BTBD9: variants seen among roughly 807,000 people sequenced by gnomAD.
The protein encoded by BTBD9 is BTB domain containing 9.
In BTBD9, 49 loss-of-function variants were observed where a neutral mutation model predicts 64.3. The observed-to-expected ratio is 0.76, with a 90% confidence interval of 0.61 to 0.97. The LOEUF (loss-of-function observed/expected upper bound fraction) is 0.97. Ranked by LOEUF, BTBD9 falls within the 50% of genes least tolerant of loss-of-function variation. The probability of loss-of-function intolerance (pLI) is 0.00; values close to 1 mark genes in which losing one functional copy is unlikely to be tolerated. For synonymous variants in BTBD9, 260 were observed against 274.7 expected, an observed-to-expected ratio of 0.95 and a Z score of 0.53; for missense variants, 598 against 762.1, an observed-to-expected ratio of 0.78 and a Z score of 2.53.
intron 10 of BTBD9, among the ~76,000 whole-genome samples, chr6:38,178,917 A>T (rs1761411942): frequency 6.6e-6 from 1 of 152,096 alleles, no homozygotes; most frequent in Non-Finnish European, 1.5e-5. Context: ...CAGGGGGGCT[A>T]TCTCAGCTCA....
chr6:38,414,470 T>C (rs1331155381), intron 6 of BTBD9, among the ~76,000 whole-genome samples: 3 of 152,132 alleles, frequency 2.0e-5, no homozygotes, highest in Admixed American at 6.5e-5. Flanking sequence ...CCCCCAACCA[T>C]ATATTATTTT....
At chr6:38,301,832 T>C (rs1294376119) in intron 7 of BTBD9, among the ~76,000 whole-genome samples, 1 of 152,206 alleles carries the variant, frequency 6.6e-6, no homozygotes, top group Non-Finnish European at 1.5e-5. Context: ...ATTTATTTTT[T>C]GAAGGGTTTT....
At chr6:38,395,296 C>T (rs1766617629) in intron 6 of BTBD9, among the ~76,000 whole-genome samples, 1 of 151,914 alleles carries the variant, frequency 6.6e-6, no homozygotes, top group African/African-American at 2.4e-5. Context: ...ATTAACAGGG[C>T]ATGTTGGTTT....
At chr6:38,280,052 C>T (rs1182262112) in intron 8 of BTBD9, among the ~76,000 whole-genome samples, 3 of 151,920 alleles carry the variant, frequency 2.0e-5, no homozygotes, top group Non-Finnish European at 4.4e-5. Flanking sequence ...TTCCAAAGAA[C>T]ATCTGAATTC....
chr6:38,507,593 T>G (rs1350752970), intron 6 of BTBD9, among the ~76,000 whole-genome samples: 1 of 152,188 alleles, frequency 6.6e-6, no homozygotes, highest in Non-Finnish European at 1.5e-5. Context: ...TTTAATCCTG[T>G]TCATCACTCT....
At chr6:38,254,470 AC>A (rs1157147997) in intron 9 of BTBD9, among the ~76,000 whole-genome samples, 6 of 151,850 alleles carry the variant, frequency 4.0e-5, no homozygotes, top group African/African-American at 1.5e-4. Flanking sequence ...AAACAAACAA[AC>A]AAACAAAAAA....
chr6:38,369,074 TCTC>T (rs1338522619), intron 6 of BTBD9, among the ~76,000 whole-genome samples: 1 of 152,146 alleles, frequency 6.6e-6, no homozygotes, highest in Non-Finnish European at 1.5e-5. Context: ...TTGATTCCTT[TCTC>T]CTCACTTCAT....
intron 1 of BTBD9, among the ~76,000 whole-genome samples, chr6:38,628,706 T>C (rs1425006352): frequency 3.3e-5 from 5 of 152,184 alleles, no homozygotes; most frequent in Non-Finnish European, 7.4e-5. Context: ...AATATAGATA[T>C]ACAAAAATAT....
chr6:38,412,367 A>G (rs1767465843), intron 6 of BTBD9, among the ~76,000 whole-genome samples: 1 of 152,134 alleles, frequency 6.6e-6, no homozygotes. Flanking sequence ...TTCCTTCTCG[A>G]TAACAGAAAT....
intron 8 of BTBD9, among the ~76,000 whole-genome samples, chr6:38,277,236 G>A (rs1761303239): frequency 6.6e-6 from 1 of 152,074 alleles, no homozygotes; most frequent in African/African-American, 2.4e-5. Flanking sequence ...TTTTCAAGAA[G>A]TAAGTGTCAT....
chr6:38,359,020 C>T (rs1233777656), intron 6 of BTBD9, among the ~76,000 whole-genome samples: 2 of 152,224 alleles, frequency 1.3e-5, no homozygotes, highest in Non-Finnish European at 2.9e-5. Context: ...ATCCACCCGC[C>T]TCGGCCTCCC....
intron 6 of BTBD9, among the ~76,000 whole-genome samples, chr6:38,361,618 A>G (rs1423519877): frequency 6.6e-6 from 1 of 152,200 alleles, no homozygotes; most frequent in Non-Finnish European, 1.5e-5. Context: ...AGGCAGGTAG[A>G]TCACCTGAGG....
chr6:38,474,280 T>C (rs771946602), intron 6 of BTBD9, among the ~76,000 whole-genome samples: 28 of 152,036 alleles, frequency 1.8e-4, no homozygotes, highest in Admixed American at 7.9e-4. Context: ...TTCCAGCACA[T>C]TGGGAGTTGA....
chr6:38,597,954 A>G lies in BTBD9; in HGVS notation c.141T>C (p.Phe47=), dbSNP rs750362842. 8.7e-6 allele frequency: 14 copies of G among 1,613,908 alleles called. No homozygotes were observed. The highest frequency in any genetic ancestry group is 1.1e-5 in the Non-Finnish European group (13 of 1,179,904). ...CTGCTAAAATTACCCTGTGGGCAGG[A>G]AAACGTTTCTTTTCCACCACGAATG... The part of the protein sequence containing the change: ...DVTFVVEKKR[F]PAHRVILAAR... Residue 47 remains phenylalanine, a synonymous_variant, in exon 2 of 11, where the codon TTT becomes TTC. Transcript: ENST00000481247.
At chr6:38,378,416 G>A (rs767059393) in intron 6 of BTBD9, among the ~76,000 whole-genome samples, 38 of 151,286 alleles carry the variant, frequency 2.5e-4, no homozygotes, top group Non-Finnish European at 1.2e-4. Flanking sequence ...GGTAATTTTC[G>A]TATTTTTAGT....
intron 4 of BTBD9, chr6:38,587,903 C>T: frequency 1.4e-6 from 1 of 722,476 alleles, no homozygotes; most frequent in East Asian, 2.6e-5. Context: ...AACAGATGAT[C>T]AGGTTTCAGG....
rs1004326099 is a variant in BTBD9 at position 38,171,311 on chromosome 6, T to C, written c.*3674A>G. ...GCACAATTCAAAAGCTTTTTTTCTC[T>C]TTTTTGCCAAGGAATCAGTTTAACA... is the stretch of plus-strand genomic sequence containing the variant. On this transcript the variant is annotated 3_prime_UTR_variant, in exon 11 of 11. Transcript: ENST00000481247. 1.3e-5 allele frequency: 2 copies of C among 152,196 alleles called. No homozygotes were observed. Among genetic ancestry groups the C allele is most frequent in the African/African-American group, 4.8e-5 (2 of 41,446 alleles). The allele number at this position is 152,196 out of a possible 1,614,324, so 9.4% of individuals were successfully genotyped here.
intron 9 of BTBD9, among the ~76,000 whole-genome samples, chr6:38,201,333 G>C (rs185770475): frequency 6.6e-6 from 1 of 152,102 alleles, no homozygotes; most frequent in East Asian, 1.9e-4. Context: ...ACAAAATCGA[G>C]GACAAAAACC....
chr6:38,603,381 T>C (rs72855170), intron 1 of BTBD9, among the ~76,000 whole-genome samples: 262 of 152,334 alleles, frequency 1.7e-3, no homozygotes, highest in Non-Finnish European at 2.8e-3. Context: ...CTGAGGGTTA[T>C]TGCCTGCTTA....
Sources: allele counts gnomAD v4.1 joint callset (sites outside exome capture counted in the v4.1 genomes callset), GRCh38; gene constraint gnomAD v4.1.1; transcripts MANE v1.5; gene names NCBI Gene and HGNC (gene_info 2026-07-23, HGNC 2026-07-21).